Variants in LRRC4C observed in about 807,000 individuals in gnomAD.
The protein encoded by LRRC4C is leucine rich repeat containing 4C.
A neutral mutation model predicts 33.6 loss-of-function variants in LRRC4C; 5 were observed. The ratio of observed to expected loss-of-function variants is 0.15; its 90% CI spans 0.08 to 0.31. The LOEUF (loss-of-function observed/expected upper bound fraction) is 0.31. LRRC4C is among the 10% of genes least tolerant of loss of function. LRRC4C has a pLI of 1.00. For missense variants in LRRC4C, 560 were observed against 796.7 expected (o/e 0.70, Z 3.58); for synonymous variants, 329 against 302.0 (o/e 1.09, Z -0.93).
chr11:41,187,777 A>ACG (rs985232813), intron 1 of LRRC4C, among the ~76,000 whole-genome samples: 1 of 152,164 alleles, frequency 6.6e-6, no homozygotes, highest in Non-Finnish European at 1.5e-5. Context: ...TCACCCCTAG[A>ACG]CGCTGCCGTG....
At chr11:40,912,267 A>C (rs1956733922) in intron 2 of LRRC4C, among the ~76,000 whole-genome samples, 1 of 152,138 alleles carries the variant, frequency 6.6e-6, no homozygotes, top group Admixed American at 6.5e-5. Context: ...AGTTGAAATG[A>C]AGGAAAAAAT....
intron 1 of LRRC4C, among the ~76,000 whole-genome samples, chr11:40,988,948 C>T (rs1853299367): frequency 6.6e-6 from 1 of 151,880 alleles, no homozygotes; most frequent in Non-Finnish European, 1.5e-5. Flanking sequence ...TCGCGATCTC[C>T]TGACCTGGTG....
At chr11:41,162,806 C>T (rs946811910) in intron 1 of LRRC4C, among the ~76,000 whole-genome samples, 4 of 152,152 alleles carry the variant, frequency 2.6e-5, no homozygotes, top group Admixed American at 1.3e-4. Flanking sequence ...AGGCCTGGAA[C>T]ATTATTGTAC....
chr11:40,572,761 G>C (rs868711121), intron 3 of LRRC4C, among the ~76,000 whole-genome samples: 1 of 152,118 alleles, frequency 6.6e-6, no homozygotes, highest in African/African-American at 2.4e-5. Context: ...ACACAGTGAG[G>C]GGACTCATAG....
chr11:40,576,715 C>T (rs1958208123), intron 3 of LRRC4C, among the ~76,000 whole-genome samples: 1 of 152,154 alleles, frequency 6.6e-6, no homozygotes, highest in Non-Finnish European at 1.5e-5. Flanking sequence ...TTGTGGTTGG[C>T]ATACAAAATA....
intron 5 of LRRC4C, among the ~76,000 whole-genome samples, chr11:40,206,192 A>C (rs754952125): frequency 7.9e-5 from 12 of 152,092 alleles, no homozygotes; most frequent in Non-Finnish European, 1.5e-4. Context: ...AATCTTCCCA[A>C]CAATTTTATA....
intron 1 of LRRC4C, among the ~76,000 whole-genome samples, chr11:41,138,815 A>C (rs745645250): frequency 6.6e-6 from 1 of 152,204 alleles, no homozygotes; most frequent in Admixed American, 6.5e-5. Context: ...TTACTACACA[A>C]AAAGAATATT....
At chr11:40,899,926 G>A (rs917804454) in intron 2 of LRRC4C, among the ~76,000 whole-genome samples, 1 of 152,136 alleles carries the variant, frequency 6.6e-6, no homozygotes, top group Non-Finnish European at 1.5e-5. Context: ...AAATTAAAAT[G>A]TATGTGTCTG....
At chr11:41,301,739 G>T (rs1427405028) in intron 1 of LRRC4C, among the ~76,000 whole-genome samples, 2 of 152,106 alleles carry the variant, frequency 1.3e-5, no homozygotes, top group African/African-American at 4.8e-5. Context: ...TTCATCAGAG[G>T]AGAGAGTTTT....
chr11:40,197,141 T>C (rs1207417706), intron 5 of LRRC4C, among the ~76,000 whole-genome samples: 1 of 152,190 alleles, frequency 6.6e-6, no homozygotes, highest in Non-Finnish European at 1.5e-5. Context: ...TAGGATTGAT[T>C]GAGAAGTTTA....
chr11:40,266,259 T>G (rs1246906046), intron 4 of LRRC4C, among the ~76,000 whole-genome samples: 1 of 151,060 alleles, frequency 6.6e-6, no homozygotes, highest in Non-Finnish European at 1.5e-5. Context: ...GTGACTCTGT[T>G]ACTACATTCC....
intron 3 of LRRC4C, among the ~76,000 whole-genome samples, chr11:40,631,546 C>A (rs989902353): frequency 6.6e-6 from 1 of 152,134 alleles, no homozygotes; most frequent in Non-Finnish European, 1.5e-5. Context: ...TACCCCAATA[C>A]TTCATCAAGT....
At chr11:40,488,165 T>C (rs1465788904) in intron 3 of LRRC4C, among the ~76,000 whole-genome samples, 1 of 152,070 alleles carries the variant, frequency 6.6e-6, no homozygotes, top group Non-Finnish European at 1.5e-5. Context: ...ATATATTAAC[T>C]AGGAAAATGA....
At chr11:40,843,113 G>T (rs181746960) in intron 2 of LRRC4C, among the ~76,000 whole-genome samples, 1 of 152,154 alleles carries the variant, frequency 6.6e-6, no homozygotes. Context: ...TGAAATTTGA[G>T]AACCACTTGC....
intron 1 of LRRC4C, among the ~76,000 whole-genome samples, chr11:41,004,824 G>C (rs1854624894): frequency 6.6e-6 from 1 of 152,018 alleles, no homozygotes; most frequent in Non-Finnish European, 1.5e-5. Flanking sequence ...TATGAATTTT[G>C]AAGCCCCGGA....
intron 1 of LRRC4C, among the ~76,000 whole-genome samples, chr11:41,334,151 C>T (rs1338179027): frequency 6.6e-6 from 1 of 152,186 alleles, no homozygotes; most frequent in Non-Finnish European, 1.5e-5. Context: ...AACTTGAGCA[C>T]TTCTCCAAAC....
intron 1 of LRRC4C, among the ~76,000 whole-genome samples, chr11:41,169,286 T>C (rs868184543): frequency 2.0e-5 from 3 of 152,192 alleles, no homozygotes; most frequent in African/African-American, 4.8e-5. Flanking sequence ...AATTAAAGTA[T>C]AGCCTAGAAA....
At chr11:40,200,180 T>TAAAAAAAAAAAAAAAA (rs56269292) in intron 5 of LRRC4C, among the ~76,000 whole-genome samples, 2 of 26,030 alleles carry the variant, frequency 7.7e-5, no homozygotes, top group African/African-American at 2.7e-4. Flanking sequence ...CTGTCTCCAC[T>TAAAAAAAAAAAAAAAA]AAAAAAAAAA....
At chr11:40,142,109 CCTGTCT>C (rs1857408182) in intron 5 of LRRC4C, among the ~76,000 whole-genome samples, 1 of 151,488 alleles carries the variant, frequency 6.6e-6, no homozygotes, top group South Asian at 2.1e-4. Context: ...ATGGCGAAAC[CCTGTCT>C]CCACTAAAAA....
Sources: allele counts gnomAD v4.1 joint callset (sites outside exome capture counted in the v4.1 genomes callset), GRCh38; gene constraint gnomAD v4.1.1; transcripts MANE v1.5; gene names NCBI Gene and HGNC (gene_info 2026-07-23, HGNC 2026-07-21).